Variants in ERC2 observed in about 807,000 individuals in gnomAD.
ERC2 encodes the protein ERC protein 2.
In ERC2, 42 loss-of-function variants were observed where a neutral mutation model predicts 114.8. The observed-to-expected ratio is 0.37, with a 90% confidence interval of 0.29 to 0.47. ERC2 has a LOEUF of 0.47. Among genes scored for constraint, ERC2 ranks in the 20% least tolerant of loss-of-function variants. The probability of loss-of-function intolerance (pLI) is 0.99; values close to 1 mark genes in which losing one functional copy is unlikely to be tolerated. For synonymous variants in ERC2, 454 were observed against 425.5 expected, an observed-to-expected ratio of 1.07 and a Z score of -0.82; for missense variants, 939 against 1,150.7, an observed-to-expected ratio of 0.82 and a Z score of 2.66.
At chr3:56,458,725 G>A (rs935964250) in intron 1 of ERC2, among the ~76,000 whole-genome samples, 3 of 151,964 alleles carry the variant, frequency 2.0e-5, no homozygotes, top group Non-Finnish European at 4.4e-5. Context: ...ACGAATAAAG[G>A]GTCAAAATGC....
At chr3:55,833,740 A>G (rs1222485856) in intron 14 of ERC2, among the ~76,000 whole-genome samples, 1 of 152,162 alleles carries the variant, frequency 6.6e-6, no homozygotes, top group Non-Finnish European at 1.5e-5. Flanking sequence ...TAATGACAGG[A>G]TCAAATTCAC....
At chr3:56,427,356 A>G (rs1471271160) in intron 2 of ERC2, among the ~76,000 whole-genome samples, 2 of 151,902 alleles carry the variant, frequency 1.3e-5, no homozygotes, top group Non-Finnish European at 2.9e-5. Flanking sequence ...AAACTCCTGG[A>G]CTCAAGCAAT....
intron 13 of ERC2, among the ~76,000 whole-genome samples, chr3:55,933,569 A>T (rs749168): frequency 0.62 from 93,948 of 152,090 alleles, 29,816 homozygotes; most frequent in Non-Finnish European, 0.66. Context: ...GTGCAGGGCT[A>T]TATAAATACT....
chr3:56,069,022 G>T (rs1291764370), intron 7 of ERC2, among the ~76,000 whole-genome samples: 2 of 152,182 alleles, frequency 1.3e-5, no homozygotes. Context: ...CTGTTGTTTT[G>T]GGGTGGAGAG....
At chr3:55,793,800 G>C (rs1032728595) in intron 14 of ERC2, among the ~76,000 whole-genome samples, 2 of 152,154 alleles carry the variant, frequency 1.3e-5, no homozygotes, top group African/African-American at 4.8e-5. Flanking sequence ...TGAACAAAGA[G>C]AGACAGAGAG....
chr3:55,582,423 T>C (rs565963003), intron 17 of ERC2, among the ~76,000 whole-genome samples: 2 of 152,322 alleles, frequency 1.3e-5, no homozygotes, highest in East Asian at 3.9e-4. Context: ...TCAAACAGTG[T>C]CAAGTATCTA....
rs149805188 is a variant in ERC2, at chr3:55,545,978, T to C, written c.*40-34702A>G. On this transcript the variant is annotated intron_variant, in intron 17 of 17. Transcript: ENST00000288221. ...CCTGAGCGCATACAGGGTTACTCAG[T>C]AATGCTGTGAGAAGAGAATACATGG... Among the ~76,000 whole-genome samples, 10 of 152,238 alleles carry C rather than the reference T, an allele frequency of 6.6e-5. No individual in the cohort carries two copies. In the East Asian group the frequency reaches 1.9e-3, roughly 29 times the overall value.
At chr3:55,723,268 A>G (rs1469902437) in intron 15 of ERC2, among the ~76,000 whole-genome samples, 1 of 152,248 alleles carries the variant, frequency 6.6e-6, no homozygotes, top group Non-Finnish European at 1.5e-5. Context: ...GTAGGAAACT[A>G]TAAATCTTAG....
chr3:56,460,243 C>A (rs1473330882), intron 1 of ERC2, among the ~76,000 whole-genome samples: 4 of 152,172 alleles, frequency 2.6e-5, no homozygotes, highest in South Asian at 2.1e-4. Flanking sequence ...ATGGTTAAGG[C>A]TTGTTGGTTG....
intron 14 of ERC2, among the ~76,000 whole-genome samples, chr3:55,803,115 A>C (rs1479423308): frequency 1.3e-5 from 2 of 152,196 alleles, no homozygotes; most frequent in Non-Finnish European, 2.9e-5. Flanking sequence ...GCTTCAAAGG[A>C]AGACCAGTAA....
At chr3:56,339,376 G>T (rs1173811703) in intron 2 of ERC2, among the ~76,000 whole-genome samples, 1 of 152,018 alleles carries the variant, frequency 6.6e-6, no homozygotes, top group Non-Finnish European at 1.5e-5. Context: ...AAGGCAACAG[G>T]GGCAGCTTGT....
intron 17 of ERC2, among the ~76,000 whole-genome samples, chr3:55,665,219 G>C (rs942704102): frequency 6.6e-6 from 1 of 152,116 alleles, no homozygotes; most frequent in Non-Finnish European, 1.5e-5. Flanking sequence ...TTCAAGCAGC[G>C]CTCTTTCCAC....
At chr3:55,884,837 T>G (rs2063289846) in intron 14 of ERC2, among the ~76,000 whole-genome samples, 1 of 152,062 alleles carries the variant, frequency 6.6e-6, no homozygotes. Context: ...AAGCCCCCTT[T>G]AGGTTTCAAA....
intron 2 of ERC2, among the ~76,000 whole-genome samples, chr3:56,374,067 A>G (rs1239458854): frequency 6.6e-6 from 1 of 151,886 alleles, no homozygotes; most frequent in Non-Finnish European, 1.5e-5. Context: ...GCCCACCCCT[A>G]TGCACAGAGG....
intron 17 of ERC2, among the ~76,000 whole-genome samples, chr3:55,609,642 G>A (rs1306839459): frequency 3.9e-5 from 6 of 152,090 alleles, no homozygotes; most frequent in Non-Finnish European, 8.8e-5. Context: ...CCTACAGCTT[G>A]GGTAGGCTCC....
chr3:56,128,055 C>T (rs2079983313), intron 6 of ERC2, among the ~76,000 whole-genome samples: 1 of 151,688 alleles, frequency 6.6e-6, no homozygotes, highest in Non-Finnish European at 1.5e-5. Flanking sequence ...AAGACTCCAT[C>T]TCAAAAAAAT....
intron 7 of ERC2, among the ~76,000 whole-genome samples, chr3:56,072,893 C>T (rs2076806361): frequency 6.6e-6 from 1 of 152,080 alleles, no homozygotes; most frequent in South Asian, 2.1e-4. Context: ...TGACTAGCAC[C>T]CCCCTAACAA....
chr3:55,831,835 G>C (rs1410453868), intron 14 of ERC2, among the ~76,000 whole-genome samples: 1 of 152,216 alleles, frequency 6.6e-6, no homozygotes, highest in Non-Finnish European at 1.5e-5. Flanking sequence ...AGGGGCCAAG[G>C]AGTTCACTTT....
intron 12 of ERC2, among the ~76,000 whole-genome samples, chr3:55,982,943 G>A (rs2070276848): frequency 6.6e-6 from 1 of 152,248 alleles, no homozygotes; most frequent in Non-Finnish European, 1.5e-5. Flanking sequence ...AGTGTTTGAA[G>A]TGACTCTATA....
Sources: allele counts gnomAD v4.1 joint callset (sites outside exome capture counted in the v4.1 genomes callset), GRCh38; gene constraint gnomAD v4.1.1; transcripts MANE v1.5; gene names NCBI Gene and HGNC (gene_info 2026-07-23, HGNC 2026-07-21).